The following SLC25A12 variants were observed in gnomAD, a reference collection of about 807,000 sequenced individuals.
The protein encoded by SLC25A12 is solute carrier family 25 member 12.
In SLC25A12, 32 loss-of-function variants were observed where a neutral mutation model predicts 83.3. The ratio of observed to expected loss-of-function variants is 0.38; its 90% confidence interval spans 0.29 to 0.52. The LOEUF (loss-of-function observed/expected upper bound fraction) is 0.52, where lower values mean the gene tolerates loss of function less well. SLC25A12 is among the 20% of genes least tolerant of loss of function. SLC25A12 has a pLI of 0.84. For missense variants in SLC25A12, 611 were observed against 835.6 expected, an observed-to-expected ratio of 0.73 and a Z score of 3.31; for synonymous variants, 267 against 291.1, an observed-to-expected ratio of 0.92 and a Z score of 0.84.
intron 9 of SLC25A12, among the ~76,000 whole-genome samples, 172 bp from the exon 10 acceptor site, chr2:171,815,374 A>T (rs980211459): frequency 3.3e-5 from 5 of 152,274 alleles, no homozygotes; most frequent in Admixed American, 3.3e-4. Flanking sequence ...GCCAAAAATG[A>T]AAGCAATGTA....
At chr2:171,852,751 G>C (rs962818941) in intron 4 of SLC25A12, 4 of 438,050 alleles carry the variant, frequency 9.1e-6, no homozygotes, top group Non-Finnish European at 1.8e-5. Context: ...CTTGAATATG[G>C]CTTGAAATAA....
At chr2:171,863,086 A>G (rs1287199836) in intron 3 of SLC25A12, among the ~76,000 whole-genome samples, 1 of 152,086 alleles carries the variant, frequency 6.6e-6, no homozygotes, top group Non-Finnish European at 1.5e-5. Context: ...TTAATTGTGT[A>G]GAGATGGGGT....
intron 2 of SLC25A12, among the ~76,000 whole-genome samples, chr2:171,890,283 A>G (rs1225149164): frequency 6.6e-6 from 1 of 152,218 alleles, no homozygotes; most frequent in Non-Finnish European, 1.5e-5. Context: ...GTTAGCATGT[A>G]TTTTTGTCTT....
In SLC25A12 at chr2:171,783,483, A is replaced by G. The variant is rs1472810746; in HGVS notation, c.*1791T>C. 6.6e-6 allele frequency among the ~76,000 whole-genome samples: 1 copy of G among 152,262 alleles called. No homozygotes were observed. Among genetic ancestry groups the G allele is most frequent in the Non-Finnish European group, 1.5e-5 (1 of 68,036 alleles). On this transcript the variant is annotated 3_prime_UTR_variant, in exon 18 of 18. Transcript: ENST00000422440. ...TAAGTGAACAAAAGCAAGACACAGA[A>G]TAACACACACATAACATAATCCTGT...
intron 13 of SLC25A12, among the ~76,000 whole-genome samples, chr2:171,797,467 C>G (rs1683622065): frequency 6.6e-6 from 1 of 152,160 alleles, no homozygotes; most frequent in Admixed American, 6.5e-5. Context: ...GAAAGAGAAA[C>G]TGAATAGCTG....
intron 2 of SLC25A12, among the ~76,000 whole-genome samples, chr2:171,876,923 G>A (rs535627953): frequency 6.6e-6 from 1 of 152,256 alleles, no homozygotes; most frequent in South Asian, 2.1e-4. Flanking sequence ...ACATAAAGTA[G>A]CTGACAGTAT....
At chr2:171,817,349 C>G (rs1684073866) in intron 9 of SLC25A12, among the ~76,000 whole-genome samples, 1 of 152,082 alleles carries the variant, frequency 6.6e-6, no homozygotes, top group South Asian at 2.1e-4. Context: ...TACCTGTAAT[C>G]TGAGCATTTT....
intron 13 of SLC25A12, among the ~76,000 whole-genome samples, chr2:171,795,067 C>G (rs1683572286): frequency 6.6e-6 from 1 of 152,216 alleles, no homozygotes; most frequent in Non-Finnish European, 1.5e-5. Flanking sequence ...AATCCTGACT[C>G]CTTAACTCCT....
At chr2:171,793,529 C>G in intron 14 of SLC25A12, 98 bp downstream of exon 14, 1 of 1,250,962 alleles carries the variant, frequency 8.0e-7, no homozygotes, top group Non-Finnish European at 1.2e-6. Flanking sequence ...CACAGACTAC[C>G]CTGCTGGACA....
At chr2:171,846,725 G>A (rs1254793162) in intron 4 of SLC25A12, among the ~76,000 whole-genome samples, 1 of 152,158 alleles carries the variant, frequency 6.6e-6, no homozygotes, top group Non-Finnish European at 1.5e-5. Context: ...AGAATTGCTT[G>A]AACTCGGGAG....
At chr2:171,851,486 GC>G (rs1684930604) in intron 4 of SLC25A12, among the ~76,000 whole-genome samples, 1 of 104,540 alleles carries the variant, frequency 9.6e-6, no homozygotes, top group Non-Finnish European at 2.1e-5. Flanking sequence ...ACTGCGCCTG[GC>G]CCCTTAAAAA....
At chr2:171,893,366 AT>A (rs1685986324) in intron 1 of SLC25A12, 108 bp from the exon 2 acceptor site, 2 of 987,428 alleles carry the variant, frequency 2.0e-6, no homozygotes, top group African/African-American at 1.6e-5. Flanking sequence ...ATCTTTTATC[AT>A]TTAGTTTAAA....
In SLC25A12 at chr2:171,886,800, A is replaced by G. The variant is rs566863930; in HGVS notation, c.66+6405T>C. On this transcript the variant is annotated intron_variant, in intron 2 of 17. Transcript: ENST00000422440. ...GCTGGGATTACAGGCATGAGCCACCACATCTTGCCCTATATTCTTATATTT... is the reference window on the plus strand; with the variant it reads ...GCTGGGATTACAGGCATGAGCCACCGCATCTTGCCCTATATTCTTATATTT... Among the ~76,000 whole-genome samples, 14 of 152,214 alleles carry G rather than the reference A, an allele frequency of 9.2e-5. No homozygotes were observed. The South Asian group carries it at 2.1e-3, about 23-fold the overall frequency.
At chr2:171,881,474 T>C (rs1299931881) in intron 2 of SLC25A12, among the ~76,000 whole-genome samples, 1 of 152,024 alleles carries the variant, frequency 6.6e-6, no homozygotes, top group Non-Finnish European at 1.5e-5. Flanking sequence ...TGTAAATGTA[T>C]GGGGAAAGAT....
chr2:171,793,800 C>G (rs1683538807), intron 13 of SLC25A12, 33 bp from the exon 14 acceptor site: 2 of 1,613,876 alleles, frequency 1.2e-6, no homozygotes, highest in African/African-American at 1.3e-5. Flanking sequence ...AGGCAGATTC[C>G]ACATCAGAGC....
chr2:171,823,079 G>A lies in SLC25A12; in HGVS notation c.930+3719C>T, dbSNP rs1684226113. 2.0e-5 allele frequency among the ~76,000 whole-genome samples: 3 copies of A among 152,194 alleles called. No homozygotes were observed. The South Asian group carries it at 6.2e-4, about 31-fold the overall frequency. On this transcript the variant is annotated intron_variant, in intron 9 of 17. Transcript: ENST00000422440. The stretch of plus-strand genomic sequence containing the variant: ...TGTTAAAAACTGAGTCACTAGGATT[G>A]TAGTCTATATGGCTGCCTTACAATG...
chr2:171,880,776 T>C (rs1479835456), intron 2 of SLC25A12, among the ~76,000 whole-genome samples: 1 of 152,226 alleles, frequency 6.6e-6, no homozygotes, highest in African/African-American at 2.4e-5. Flanking sequence ...TTGTATATGT[T>C]TGAAATTTTT....
At chr2:171,876,309 C>T (rs147201554) in intron 2 of SLC25A12, among the ~76,000 whole-genome samples, 8 of 152,256 alleles carry the variant, frequency 5.3e-5, no homozygotes, top group Admixed American at 5.2e-4. Flanking sequence ...TTGACTTCTA[C>T]AGGAGACAGT....
intron 9 of SLC25A12, among the ~76,000 whole-genome samples, chr2:171,822,646 C>G (rs560225233): frequency 1.3e-5 from 2 of 152,280 alleles, no homozygotes; most frequent in African/African-American, 4.8e-5. Flanking sequence ...CTTGGCCTCT[C>G]AAAGTGCTGG....
Sources: gnomAD v4.1 joint callset for allele counts (sites outside exome capture counted in the v4.1 genomes callset) on GRCh38, gnomAD v4.1.1 for gene constraint, MANE v1.5 for transcripts, NCBI Gene and HGNC (gene_info 2026-07-23, HGNC 2026-07-21) for gene names.